Variants in SEL1L2 observed in about 807,000 individuals in gnomAD.
SEL1L2 encodes the protein protein sel-1 homolog 2.
Under a neutral mutation model 98.8 loss-of-function variants are expected in SEL1L2, and 89 were observed. The observed-to-expected ratio is 0.90, with a 90% CI of 0.76 to 1.07. The LOEUF is 1.07. Ranked by LOEUF, SEL1L2 falls within the 50% of genes least tolerant of loss-of-function variation. The pLI, the probability that SEL1L2 is intolerant of heterozygous loss-of-function variation, is 0.00. For missense variants in SEL1L2, 788 were observed against 812.0 expected (o/e 0.97, Z 0.36); for synonymous variants, 262 against 278.5 (o/e 0.94, Z 0.59).
intron 5 of SEL1L2, 75 bp downstream of exon 5, chr20:13,913,707 C>T: frequency 7.6e-7 from 1 of 1,307,500 alleles, no homozygotes; most frequent in Non-Finnish European, 1.0e-6. Flanking sequence ...TACTATTGCT[C>T]AACTCCTTTC....
rs1409701743 is a variant in SEL1L2 at position 13,887,855 on chromosome 20, A to G, written c.664-5T>C. On this transcript the variant is annotated splice_polypyrimidine_tract_variant and splice_region_variant and intron_variant, in intron 7 of 19. Transcript: ENST00000284951. ...TCCCGACAAATATCTGTACCCCTAA[A>G]ACACAGACAGATGCATTCTTAATAT... The G allele has an allele frequency of 3.1e-6, 5 of 1,611,874 alleles. No individual in the cohort carries two copies. In the African/African-American group the frequency reaches 6.7e-5, roughly 22 times the overall value.
chr20:13,974,351 C>T (rs564278095), intron 1 of SEL1L2, among the ~76,000 whole-genome samples: 1 of 152,060 alleles, frequency 6.6e-6, no homozygotes. Context: ...AGTAATCTAG[C>T]CTTTCCTAAG....
chr20:13,855,402 C>T (rs955525191), intron 18 of SEL1L2, among the ~76,000 whole-genome samples: 6 of 149,540 alleles, frequency 4.0e-5, no homozygotes, highest in Non-Finnish European at 5.9e-5. Flanking sequence ...TATTTTTTGG[C>T]GGTTTTATTT....
At chr20:13,888,144 TC>T (rs1490728694) in intron 6 of SEL1L2, 143 bp from the exon 7 acceptor site, 3 of 715,988 alleles carry the variant, frequency 4.2e-6, no homozygotes, top group Non-Finnish European at 6.9e-6. Flanking sequence ...AATTTCACTC[TC>T]CTTTGTAAAG....
chr20:13,934,846 C>A (rs1223438298), intron 2 of SEL1L2, among the ~76,000 whole-genome samples: 1 of 151,848 alleles, frequency 6.6e-6, no homozygotes, highest in African/African-American at 2.4e-5. Context: ...TTTTGGTTTG[C>A]ATTTCCTGCT....
At chr20:13,946,906 C>G (rs574180332) in intron 2 of SEL1L2, among the ~76,000 whole-genome samples, 2 of 152,350 alleles carry the variant, frequency 1.3e-5, no homozygotes, top group Admixed American at 1.3e-4. Flanking sequence ...GCTGCCTCAG[C>G]CCCTCTGGAC....
At chr20:13,917,161 C>T (rs2048441208) in intron 4 of SEL1L2, among the ~76,000 whole-genome samples, 1 of 152,138 alleles carries the variant, frequency 6.6e-6, no homozygotes, top group South Asian at 2.1e-4. Flanking sequence ...GGACCAGCCC[C>T]TGACTGGCGC....
intron 12 of SEL1L2, among the ~76,000 whole-genome samples, chr20:13,873,899 G>T (rs1368327660): frequency 1.3e-5 from 2 of 152,114 alleles, no homozygotes; most frequent in Non-Finnish European, 2.9e-5. Context: ...CATGGCCTTT[G>T]GACAGGAGGG....
At chr20:13,891,724 G>C (rs1408344683) in intron 5 of SEL1L2, among the ~76,000 whole-genome samples, 1 of 150,754 alleles carries the variant, frequency 6.6e-6, no homozygotes, top group Non-Finnish European at 1.5e-5. Context: ...ACTATATTTG[G>C]TGAAAGTGTC....
chr20:13,877,084 C>T (rs1375385687), intron 11 of SEL1L2, among the ~76,000 whole-genome samples: 2 of 152,170 alleles, frequency 1.3e-5, no homozygotes, highest in Non-Finnish European at 2.9e-5. Context: ...CTCAGCCTCC[C>T]AAAGTGCTGG....
At chr20:13,881,523 G>A (rs1375965924) in intron 10 of SEL1L2, among the ~76,000 whole-genome samples, 5 of 152,028 alleles carry the variant, frequency 3.3e-5, no homozygotes, top group African/African-American at 9.7e-5. Flanking sequence ...AATTTATTCT[G>A]AGCCTTCATA....
At chr20:13,897,256 G>T (rs985621687) in intron 5 of SEL1L2, among the ~76,000 whole-genome samples, 1 of 152,094 alleles carries the variant, frequency 6.6e-6, no homozygotes, top group Non-Finnish European at 1.5e-5. Flanking sequence ...ACAAAAGTTA[G>T]CTAAAAATGG....
chr20:13,865,443 A>G lies in SEL1L2; in HGVS notation c.1476T>C (p.Asp492=), dbSNP rs2147814075. ...GAACAAGAGAAGAATCTATATCACC[A>G]TCCTTATAGGCAAAGTAAGCTGTCA... The part of the protein sequence containing the change: ...KFLTAYFAYK[D]GDIDSSLVQY... The change falls in exon 16 of 20, where the codon GAT becomes GAC. Residue 492 remains aspartate (D), a synonymous_variant. Coordinates refer to ENST00000284951, the MANE Select transcript of SEL1L2 (RefSeq NM_025229.2). The G allele has an allele frequency of 6.2e-7, 1 of 1,614,066 alleles. No individual in the cohort carries two copies. Among genetic ancestry groups the G allele is most frequent in the African/African-American group, 1.3e-5 (1 of 75,042 alleles).
chr20:13,863,493 A>G (rs1478927071), intron 17 of SEL1L2, among the ~76,000 whole-genome samples: 1 of 152,184 alleles, frequency 6.6e-6, no homozygotes, highest in Non-Finnish European at 1.5e-5. Context: ...CCCTCTTTAC[A>G]TGAGTAACTG....
At chr20:13,892,127 T>C (rs955619744) in intron 5 of SEL1L2, among the ~76,000 whole-genome samples, 13 of 152,268 alleles carry the variant, frequency 8.5e-5, no homozygotes, top group African/African-American at 3.1e-4. Context: ...GTGATTGACA[T>C]TGTCATTATC....
At chr20:13,907,114 T>C (rs1450020299) in intron 5 of SEL1L2, among the ~76,000 whole-genome samples, 5 of 152,228 alleles carry the variant, frequency 3.3e-5, no homozygotes, top group African/African-American at 1.2e-4. Context: ...TGATGTTTAT[T>C]TTTACATGAT....
At chr20:13,970,126 TCTG>T (rs924105403) in intron 1 of SEL1L2, among the ~76,000 whole-genome samples, 3 of 152,170 alleles carry the variant, frequency 2.0e-5, no homozygotes, top group African/African-American at 7.2e-5. Flanking sequence ...AGCATGTCAT[TCTG>T]CTGCTGGATC....
chr20:13,927,162 C>T (rs1342857315), intron 3 of SEL1L2, among the ~76,000 whole-genome samples: 1 of 152,168 alleles, frequency 6.6e-6, no homozygotes, highest in Admixed American at 6.5e-5. Context: ...TCATGTTCAA[C>T]TATAAAATAC....
chr20:13,871,438 C>A (rs1466661552), intron 12 of SEL1L2, among the ~76,000 whole-genome samples: 1 of 151,940 alleles, frequency 6.6e-6, no homozygotes, highest in African/African-American at 2.4e-5. Flanking sequence ...GAGAAAACTC[C>A]TTTTTCTTTC....
Sources: gnomAD v4.1 joint callset for allele counts (sites outside exome capture counted in the v4.1 genomes callset) on GRCh38, gnomAD v4.1.1 for gene constraint, MANE v1.5 for transcripts, NCBI Gene and HGNC (gene_info 2026-07-23, HGNC 2026-07-21) for gene names.